OS9: variants seen among roughly 807,000 people sequenced by gnomAD.
OS9 encodes the protein protein OS-9.
In OS9, 58 loss-of-function variants were observed where a neutral mutation model predicts 84.7. That is an observed-to-expected ratio of 0.68 (90% CI 0.55 to 0.85). OS9 has a LOEUF of 0.85. Ranked by LOEUF, OS9 falls within the 40% of genes least tolerant of loss-of-function variation. OS9 has a pLI of 0.00. For synonymous variants in OS9, 278 were observed against 320.8 expected (o/e 0.87, Z 1.43); for missense variants, 760 against 850.9 (o/e 0.89, Z 1.33).
At chr12:57,719,662 TG>T in intron 12 of OS9, 1 of 199,090 alleles carries the variant, frequency 5.0e-6, no homozygotes, top group Non-Finnish European at 1.0e-5. Context: ...GTCCTATGGG[TG>T]TGGACATCAG....
At position 57,717,902 on chromosome 12, in the gene OS9, C is replaced by T. The variant is rs1954552329; in HGVS notation, c.1078C>T (p.Arg360Ter). ...FQNNVQVKVI[R>*]SPADLIRFIE... ...GAACAACGTGCAGGTCAAAGTCATTCGAAGCCCTGCGGATTTGATTCGATT... is the reference window on the plus strand; with the variant it reads ...GAACAACGTGCAGGTCAAAGTCATTTGAAGCCCTGCGGATTTGATTCGATT... Residue 360 changes from arginine (R) to a stop codon, truncating the protein, a stop_gained, in exon 10 of 15, where the codon CGA becomes TGA. Coordinates refer to ENST00000315970, the MANE Select transcript of OS9 (RefSeq NM_006812.4). LOFTEE classifies it high-confidence loss of function. 6.2e-6 allele frequency: 10 copies of T among 1,611,604 alleles called. No individual in the cohort carries two copies. The highest frequency in any genetic ancestry group is 8.5e-6 in the Non-Finnish European group (10 of 1,179,094).
At position 57,717,892 on chromosome 12, in the gene OS9, C is replaced by A. The variant is rs756661089; in HGVS notation, c.1068C>A (p.Val356=). The A allele has an allele frequency of 7.5e-6, 12 of 1,609,374 alleles. No individual in the cohort carries two copies. The Admixed American group carries it at 2.0e-4, about 27-fold the overall frequency. The change falls in exon 10 of 15, where the codon GTC becomes GTA. Residue 356 remains valine (V), a synonymous_variant. Coordinates refer to ENST00000315970, the MANE Select transcript of OS9 (RefSeq NM_006812.4). ...CAGATTTTCAGAACAACGTGCAGGTCAAAGTCATTCGAAGCCCTGCGGATT... is the reference window on the plus strand; with the variant it reads ...CAGATTTTCAGAACAACGTGCAGGTAAAAGTCATTCGAAGCCCTGCGGATT... ...APNDFQNNVQ[V]KVIRSPADLI...
intron 5 of OS9, among the ~76,000 whole-genome samples, chr12:57,714,522 AT>A (rs1595059023): frequency 6.6e-6 from 1 of 151,148 alleles, no homozygotes; most frequent in South Asian, 2.1e-4. Flanking sequence ...GTGTTTTTAA[AT>A]TTTCATCAGT....
chr12:57,718,114 A>G, intron 10 of OS9, 32 bp from the exon 11 acceptor site: 3 of 1,602,394 alleles, frequency 1.9e-6, no homozygotes, highest in Non-Finnish European at 2.6e-6. Flanking sequence ...TGAAACCCCA[A>G]CTGTCTTTCT....
At position 57,697,489 on chromosome 12, in the gene OS9, A is replaced by T. The variant is rs149082676; in HGVS notation, c.579+1116A>T. 2.6e-3 allele frequency among the ~76,000 whole-genome samples: 390 copies of T among 152,302 alleles called. 1 individual carries two copies. Among genetic ancestry groups the T allele is most frequent in the African/African-American group, 9.0e-3 (375 of 41,562 alleles). On this transcript the variant is annotated intron_variant, in intron 5 of 14. Transcript: ENST00000315970. ...GTTTGGATGTGGGATAGAATCATGG[A>T]TTACTTCAAGATTTTTGGCTTGAGC...
In OS9 at chr12:57,721,037, C is replaced by T. The variant is rs547242426; in HGVS notation, c.*128C>T. On this transcript the variant is annotated 3_prime_UTR_variant, in exon 15 of 15. Coordinates refer to ENST00000315970, the MANE Select transcript of OS9 (RefSeq NM_006812.4). Reference sequence around the variant, plus strand: ...GAGTGGAGCTGAGCTGTGGACCTCTCGGGCAACTCTGTGGGTGTGGGGGCC... The same window carrying T: ...GAGTGGAGCTGAGCTGTGGACCTCTTGGGCAACTCTGTGGGTGTGGGGGCC... The T allele has an allele frequency of 1.1e-4, 121 of 1,101,684 alleles. No homozygotes were observed. The highest frequency in any genetic ancestry group is 4.6e-4 in the East Asian group (18 of 38,968). The allele number at this position is 1,101,684 out of a possible 1,614,324, so 68.2% of individuals were successfully genotyped here.
At chr12:57,697,942 C>A (rs984923487) in intron 5 of OS9, among the ~76,000 whole-genome samples, 4 of 150,616 alleles carry the variant, frequency 2.7e-5, no homozygotes, top group African/African-American at 4.9e-5. Flanking sequence ...CACACACACA[C>A]ACACACACAC....
chr12:57,697,254 A>G (rs1595029294), intron 5 of OS9, among the ~76,000 whole-genome samples: 1 of 152,206 alleles, frequency 6.6e-6, no homozygotes, highest in African/African-American at 2.4e-5. Context: ...GTCTTGCAAC[A>G]TTCTCCAAAA....
chr12:57,696,246 C>T lies in OS9; in HGVS notation c.481-29C>T, dbSNP rs750548169. The T allele has an allele frequency of 1.4e-5, 22 of 1,533,248 alleles. No individual in the cohort carries two copies. In the Admixed American group the frequency reaches 3.7e-4, roughly 26 times the overall value. The allele number at this position is 1,533,248 out of a possible 1,614,324, so 95.0% of individuals were successfully genotyped here. ...TTCCTCTTTGCTATCTTTCTCATGT[C>T]CCCCATTCCTGCCTCATGTCTTCTC... On this transcript the variant is annotated intron_variant, in intron 4 of 14. Transcript: ENST00000315970.
intron 5 of OS9, among the ~76,000 whole-genome samples, chr12:57,704,255 C>T (rs772063062): frequency 8.6e-5 from 13 of 152,014 alleles, no homozygotes; most frequent in East Asian, 1.9e-4. Context: ...AGATATTAGT[C>T]GCCGGGAGTG....
chr12:57,708,586 C>T (rs1203306375), intron 5 of OS9, among the ~76,000 whole-genome samples: 1 of 151,476 alleles, frequency 6.6e-6, no homozygotes, highest in African/African-American at 2.4e-5. Flanking sequence ...TATTGTCATA[C>T]CATTGCACTC....
intron 5 of OS9, among the ~76,000 whole-genome samples, chr12:57,703,136 A>G (rs1954071110): frequency 6.6e-6 from 1 of 151,238 alleles, no homozygotes; most frequent in South Asian, 2.1e-4. Context: ...GCTCACTGCA[A>G]CCTCCGCCTC....
Position 57,694,374 on chromosome 12 carries a change from G to A in OS9, c.162+51G>A, listed in dbSNP as rs553154933. On this transcript the variant is annotated intron_variant, in intron 1 of 14. Coordinates refer to ENST00000315970, the MANE Select transcript of OS9 (RefSeq NM_006812.4). ...TCTGGGCAGAAGAGGAAGCGGGTAAGAGATAGAGGAAGAAGGGCAGCTCCG... is the reference window on the plus strand; with the variant it reads ...TCTGGGCAGAAGAGGAAGCGGGTAAAAGATAGAGGAAGAAGGGCAGCTCCG... 7 of 1,589,104 alleles carry A rather than the reference G, an allele frequency of 4.4e-6. No individual in the cohort carries two copies. In the Admixed American group the frequency reaches 8.4e-5, roughly 19 times the overall value.
At chr12:57,720,546 G>A in intron 14 of OS9, 28 bp downstream of exon 14, 1 of 1,516,064 alleles carries the variant, frequency 6.6e-7, no homozygotes, top group South Asian at 1.1e-5. Flanking sequence ...CCGAGTCCTG[G>A]CCCCCAGCCC....
Position 57,694,571 on chromosome 12 carries a change from G to C in OS9, c.163-179G>C, listed in dbSNP as rs1953767980. 9.7e-6 allele frequency: 7 copies of C among 722,460 alleles called. No homozygotes were observed. In the South Asian group the frequency reaches 1.2e-4, roughly 13 times the overall value. 44.8% of individuals were successfully genotyped at this position (722,460 alleles called of 1,614,324 possible). A position where few individuals can be genotyped will look rare whatever the true frequency, so the allele number is the denominator to read the frequency against. ...TTTATGATCGAAACACCCGGACTCC[G>C]CCCCCGTGGAGAAATGGGAGCGCCC... On this transcript the variant is annotated intron_variant, in intron 1 of 14. Coordinates refer to ENST00000315970, the MANE Select transcript of OS9 (RefSeq NM_006812.4).
chr12:57,694,324 G>A lies in OS9; in HGVS notation c.162+1G>A, dbSNP rs1953756727. On this transcript the variant is annotated splice_donor_variant, in intron 1 of 14. Coordinates refer to ENST00000315970, the MANE Select transcript of OS9 (RefSeq NM_006812.4). LOFTEE classifies it high-confidence loss of function. ...GCCGTTGCCTGTCATGGGAGGGCAG[G>A]TGAGAGGCGTATAAGGGGCGAGGGT... The A allele has an allele frequency of 1.9e-6, 3 of 1,614,148 alleles. No homozygotes were observed. In the East Asian group the frequency reaches 6.7e-5, roughly 36 times the overall value.
At chr12:57,694,477 G>C (rs762959307) in intron 1 of OS9, among the ~76,000 whole-genome samples, 154 bp downstream of exon 1, 10 of 152,138 alleles carry the variant, frequency 6.6e-5, no homozygotes, top group Non-Finnish European at 1.3e-4. Context: ...GTCGCAGACT[G>C]AGACCAATTC....
intron 5 of OS9, among the ~76,000 whole-genome samples, chr12:57,698,759 G>T (rs985740862): frequency 2.0e-5 from 3 of 152,204 alleles, no homozygotes; most frequent in Admixed American, 1.3e-4. Context: ...CACAGGGACT[G>T]AGGGGATAAT....
rs1262997911 is a variant in OS9, at chr12:57,720,088, C to A, written c.1601-11C>A. 2 of 1,612,406 alleles carry A rather than the reference C, an allele frequency of 1.2e-6. No homozygotes were observed. The highest frequency in any genetic ancestry group is 1.7e-6 in the Non-Finnish European group (2 of 1,179,408). ...CTGCTTTGTGTTTCCCTGTGTGTCT[C>A]CCCCTCTAAGAGGAGGATCCTGAGC... On this transcript the variant is annotated splice_polypyrimidine_tract_variant and intron_variant, in intron 12 of 14. Transcript: ENST00000315970.
Sources: allele counts gnomAD v4.1 joint callset (sites outside exome capture counted in the v4.1 genomes callset), GRCh38; gene constraint gnomAD v4.1.1; transcripts MANE v1.5; gene names NCBI Gene and HGNC (gene_info 2026-07-23, HGNC 2026-07-21).